Variants in DPP4 observed in about 807,000 individuals in gnomAD.
DPP4 encodes ADCP-2.
A neutral mutation model predicts 122.4 loss-of-function variants in DPP4; 93 were observed. The ratio of observed to expected loss-of-function variants is 0.76; its 90% CI spans 0.64 to 0.90. The LOEUF (loss-of-function observed/expected upper bound fraction) is 0.90, where lower values mean the gene tolerates loss of function less well. DPP4 is among the 40% of genes least tolerant of loss of function. The pLI is 0.00. For synonymous variants in DPP4, 321 were observed against 302.9 expected (o/e 1.06, Z -0.62); for missense variants, 914 against 907.3 (o/e 1.01, Z -0.09).
chr2:162,056,663 A>G (rs1031927832), intron 2 of DPP4, among the ~76,000 whole-genome samples: 5 of 152,218 alleles, frequency 3.3e-5, no homozygotes, highest in South Asian at 2.1e-4. Context: ...GGATGGTAAT[A>G]GTCCCTCCCA....
Position 162,008,285 on chromosome 2 carries a change from T to C in DPP4, c.1987+277A>G, listed in dbSNP as rs549608650. 1.5e-4 allele frequency among the ~76,000 whole-genome samples: 23 copies of C among 152,294 alleles called. No homozygotes were observed. The East Asian group carries it at 4.2e-3, about 28-fold the overall frequency. On this transcript the variant is annotated intron_variant, in intron 22 of 25. Transcript: ENST00000360534. Reference sequence around the variant, plus strand: ...ATCAAATCAGAGTAAAGATAAGGAATGATTTATCTGTAGAAATGTAGCATG... The same window carrying C: ...ATCAAATCAGAGTAAAGATAAGGAACGATTTATCTGTAGAAATGTAGCATG...
At chr2:162,042,026 A>C (rs1684005824) in intron 5 of DPP4, among the ~76,000 whole-genome samples, 1 of 152,180 alleles carries the variant, frequency 6.6e-6, no homozygotes, top group South Asian at 2.1e-4. Context: ...TCTTTGGCTG[A>C]GGTTAGTGAC....
intron 2 of DPP4, among the ~76,000 whole-genome samples, chr2:162,055,006 A>G (rs887448783): frequency 6.6e-6 from 1 of 152,212 alleles, no homozygotes; most frequent in Admixed American, 6.5e-5. Context: ...CCAGAATACA[A>G]AAAAGAATAT....
At position 162,038,528 on chromosome 2, in the gene DPP4, A is replaced by C. The variant is rs1576056996; in HGVS notation, c.493-106T>G. The stretch of plus-strand genomic sequence containing the variant: ...TGCAAATGTAAGGATTACCATAGTC[A>C]AATATTCCATTCAAACAGGAAGAGT... On this transcript the variant is annotated intron_variant, in intron 7 of 25. Coordinates refer to ENST00000360534, the MANE Select transcript of DPP4 (RefSeq NM_001935.4). 3.3e-6 allele frequency: 4 copies of C among 1,224,086 alleles called. No individual in the cohort carries two copies. In the South Asian group the frequency reaches 5.6e-5, roughly 17 times the overall value. 75.8% of individuals were successfully genotyped at this position (1,224,086 alleles called of 1,614,324 possible). A position where few individuals can be genotyped will look rare whatever the true frequency, so the allele number is the denominator to read the frequency against.
intron 4 of DPP4, chr2:162,046,580 T>C (rs1684180227): frequency 4.8e-6 from 2 of 416,870 alleles, no homozygotes; most frequent in Middle Eastern, 6.6e-4. Context: ...TAAGTGTGTG[T>C]ATACGAGAGT....
At chr2:162,032,863 A>G (rs1234466387) in intron 10 of DPP4, among the ~76,000 whole-genome samples, 2 of 152,200 alleles carry the variant, frequency 1.3e-5, no homozygotes, top group African/African-American at 4.8e-5. Flanking sequence ...CAAACCACTG[A>G]CATGATTTCA....
At chr2:161,995,669 T>A (rs1306075104) in intron 23 of DPP4, among the ~76,000 whole-genome samples, 1 of 152,186 alleles carries the variant, frequency 6.6e-6, no homozygotes, top group African/African-American at 2.4e-5. Context: ...AGATTGGCTG[T>A]GTCCTATGCA....
chr2:161,996,791 T>C (rs916434103), intron 23 of DPP4, among the ~76,000 whole-genome samples: 3 of 152,204 alleles, frequency 2.0e-5, no homozygotes, highest in Admixed American at 2.0e-4. Flanking sequence ...ATAAACTTTA[T>C]CATAGGTATG....
intron 13 of DPP4, 50 bp downstream of exon 13, chr2:162,020,531 C>CAA (rs373538683): frequency 1.0e-3 from 1,143 of 1,115,972 alleles, no homozygotes; most frequent in South Asian, 1.2e-3. Context: ...AGTTGGTTTC[C>CAA]AAAAAAAAAA....
chr2:162,049,412 G>C lies in DPP4; in HGVS notation c.95-1911C>G, dbSNP rs557532919. 5.0e-4 allele frequency among the ~76,000 whole-genome samples: 75 copies of C among 150,376 alleles called. 2 individuals are homozygous for C. Among genetic ancestry groups the C allele is most frequent in the African/African-American group, 1.8e-3 (73 of 41,248 alleles). ...AAATGCCACATATTCTCACTTATAA[G>C]TAGGAGGTGAACAATGAGAACACAT... On this transcript the variant is annotated intron_variant, in intron 2 of 25. Transcript: ENST00000360534.
intron 10 of DPP4, 64 bp downstream of exon 10, chr2:162,033,477 G>C: frequency 1.5e-6 from 2 of 1,326,160 alleles, no homozygotes; most frequent in Non-Finnish European, 2.1e-6. Flanking sequence ...ATTCACTTTT[G>C]AAAAGTTCTC....
At position 161,997,871 on chromosome 2, in the gene DPP4, G is replaced by C. The variant is rs375381979; in HGVS notation, c.2053-2499C>G. On this transcript the variant is annotated intron_variant, in intron 23 of 25. Transcript: ENST00000360534. Reference sequence around the variant, plus strand: ...ACAACTACAGCAAGTGTCAGAGCTGGACAAAGTCTGACAGCAAGCCCTTTT... The same window carrying C: ...ACAACTACAGCAAGTGTCAGAGCTGCACAAAGTCTGACAGCAAGCCCTTTT... Among the ~76,000 whole-genome samples, 2 of 152,334 alleles carry C rather than the reference G, an allele frequency of 1.3e-5. 1 individual carries two copies. The highest frequency in any genetic ancestry group is 4.1e-4 in the South Asian group (2 of 4,828).
Position 161,995,388 on chromosome 2 carries a change from A to G in DPP4, c.2053-16T>C, listed in dbSNP as rs1700976367. The G allele has an allele frequency of 1.9e-6, 3 of 1,606,274 alleles. No homozygotes were observed. The South Asian group carries it at 3.3e-5, about 18-fold the overall frequency. The stretch of plus-strand genomic sequence containing the variant: ...CTGTTGAATTCTGGAATTGGGAGAA[A>G]GAATGTCATTATTCAAAAAAGGATC... On this transcript the variant is annotated splice_polypyrimidine_tract_variant and intron_variant, in intron 23 of 25. Coordinates refer to ENST00000360534, the MANE Select transcript of DPP4 (RefSeq NM_001935.4).
intron 20 of DPP4, among the ~76,000 whole-genome samples, chr2:162,010,033 G>C (rs1682629920): frequency 6.6e-6 from 1 of 152,056 alleles, no homozygotes; most frequent in Non-Finnish European, 1.5e-5. Context: ...ATTGTGGGTG[G>C]TTGCAGACCT....
At chr2:162,001,663 C>T (rs1701152786) in intron 23 of DPP4, among the ~76,000 whole-genome samples, 1 of 152,138 alleles carries the variant, frequency 6.6e-6, no homozygotes, top group African/African-American at 2.4e-5. Flanking sequence ...CATGAGAGAC[C>T]ATTCCTCACT....
chr2:162,066,340 C>T (rs1684947260), intron 2 of DPP4, among the ~76,000 whole-genome samples: 1 of 152,112 alleles, frequency 6.6e-6, no homozygotes, highest in South Asian at 2.1e-4. Context: ...CACACCAACC[C>T]CAAACTACTA....
chr2:161,993,968 C>G (rs1700929839), intron 25 of DPP4, among the ~76,000 whole-genome samples: 1 of 152,044 alleles, frequency 6.6e-6, no homozygotes, highest in South Asian at 2.1e-4. Flanking sequence ...TTTGTAAACA[C>G]TTAGATTTTA....
chr2:162,025,784 T>C (rs952698852), intron 10 of DPP4, among the ~76,000 whole-genome samples: 3 of 152,164 alleles, frequency 2.0e-5, no homozygotes, highest in South Asian at 4.1e-4. Context: ...AGTGTCTGAT[T>C]GCAGCCTTGC....
chr2:162,013,274 A>C (rs1157151987), intron 19 of DPP4, among the ~76,000 whole-genome samples: 2 of 152,188 alleles, frequency 1.3e-5, no homozygotes, highest in Non-Finnish European at 2.9e-5. Context: ...CAAAGAAGAT[A>C]AAAATATCAC....
Sources: allele counts gnomAD v4.1 joint callset (sites outside exome capture counted in the v4.1 genomes callset), GRCh38; gene constraint gnomAD v4.1.1; transcripts MANE v1.5; gene names NCBI Gene and HGNC (gene_info 2026-07-23, HGNC 2026-07-21).